The following TMEM181 variants were observed in gnomAD, a reference collection of about 807,000 sequenced individuals.
The protein encoded by TMEM181 is G protein-coupled receptor 178.
Under a neutral mutation model 71.9 loss-of-function variants are expected in TMEM181, and 39 were observed. The observed-to-expected ratio is 0.54, with a 90% confidence interval of 0.42 to 0.71. TMEM181 has a LOEUF of 0.71. Ranked by LOEUF, TMEM181 falls within the 30% of genes least tolerant of loss-of-function variation. The pLI, the probability that TMEM181 is intolerant of heterozygous loss-of-function variation, is 0.00. For missense variants in TMEM181, 595 were observed against 583.0 expected, an observed-to-expected ratio of 1.02 and a Z score of -0.21; for synonymous variants, 245 against 228.8, an observed-to-expected ratio of 1.07 and a Z score of -0.64.
chr6:158,614,520 G>A (rs1356736403), intron 10 of TMEM181, among the ~76,000 whole-genome samples: 1 of 152,022 alleles, frequency 6.6e-6, no homozygotes, highest in East Asian at 1.9e-4. Flanking sequence ...AAGTTCTAGG[G>A]TACATGTGCA....
chr6:158,619,232 T>C (rs1355916655), intron 10 of TMEM181, among the ~76,000 whole-genome samples: 2 of 152,328 alleles, frequency 1.3e-5, no homozygotes, highest in East Asian at 3.9e-4. Flanking sequence ...TCTTGCTTCA[T>C]TTCATTCATT....
intron 10 of TMEM181, chr6:158,609,969 T>C (rs1221467052): frequency 4.4e-6 from 1 of 225,098 alleles, no homozygotes; most frequent in Non-Finnish European, 9.5e-6. Flanking sequence ...CCCACCGACG[T>C]TGGGAAAGTA....
At chr6:158,576,789 G>A (rs980682312) in intron 2 of TMEM181, among the ~76,000 whole-genome samples, 1 of 152,092 alleles carries the variant, frequency 6.6e-6, no homozygotes, top group African/African-American at 2.4e-5. Flanking sequence ...GCGGCCGGGC[G>A]TGGTGGCTCA....
chr6:158,602,204 A>C (rs1485549772), intron 6 of TMEM181, among the ~76,000 whole-genome samples: 2 of 152,216 alleles, frequency 1.3e-5, no homozygotes, highest in Non-Finnish European at 2.9e-5. Context: ...CACGTAGCAT[A>C]ATTATTTTGA....
At chr6:158,563,602 C>T (rs987639072) in intron 1 of TMEM181, among the ~76,000 whole-genome samples, 1 of 152,250 alleles carries the variant, frequency 6.6e-6, no homozygotes, top group Non-Finnish European at 1.5e-5. Flanking sequence ...ATGGGGCTCA[C>T]TGGCCAGCGT....
chr6:158,608,605 A>T (rs1034460964), intron 9 of TMEM181, 54 bp from the exon 10 acceptor site: 2 of 1,596,732 alleles, frequency 1.3e-6, no homozygotes, highest in African/African-American at 2.7e-5. Flanking sequence ...CACGTTATGT[A>T]CAATTACCAA....
intron 10 of TMEM181, chr6:158,611,711 A>T (rs1380517327): frequency 4.1e-6 from 1 of 242,008 alleles, no homozygotes; most frequent in Admixed American, 5.0e-5. Context: ...AATGCCGGGG[A>T]GGAATGTAAG....
At position 158,537,628 on chromosome 6, in the gene TMEM181, G is replaced by A. The variant is rs574018653; in HGVS notation, c.131+763G>A. ...CCAAAGGCTTGGCGGTGTCGGGACA[G>A]GACCCTATCGCGAGTCGGTAGAAAG... On this transcript the variant is annotated intron_variant, in intron 1 of 16. Transcript: ENST00000367090. Among the ~76,000 whole-genome samples the A allele has an allele frequency of 6.6e-5, 10 of 152,296 alleles. No individual in the cohort carries two copies. The South Asian group carries it at 2.1e-3, about 32-fold the overall frequency.
chr6:158,547,594 G>C (rs145627198), intron 1 of TMEM181, among the ~76,000 whole-genome samples: 231 of 152,278 alleles, frequency 1.5e-3, no homozygotes, highest in African/African-American at 5.4e-3. Context: ...CTCAGCTGGG[G>C]CCTCAGCGAA....
chr6:158,558,044 GC>G (rs1431371268), upstream of TMEM181, among the ~76,000 whole-genome samples: 1 of 152,232 alleles, frequency 6.6e-6, no homozygotes, highest in African/African-American at 2.4e-5. Context: ...TTGGGAGAGG[GC>G]TCATGCTGAC....
chr6:158,595,643 C>T (rs1166713063), intron 6 of TMEM181, among the ~76,000 whole-genome samples: 2 of 152,196 alleles, frequency 1.3e-5, no homozygotes, highest in African/African-American at 4.8e-5. Flanking sequence ...GGAGGACTTT[C>T]TGAAGCATAA....
chr6:158,630,450 C>G lies in TMEM181; in HGVS notation c.1282+631C>G, dbSNP rs571847539. On this transcript the variant is annotated intron_variant, in intron 15 of 16. Transcript: ENST00000684151. ...GGAGAGGCTGCAGTGAGCTATGACA[C>G]CACTACACTCCAACCTCGGTGACAG... is the stretch of plus-strand genomic sequence containing the variant. Among the ~76,000 whole-genome samples the G allele has an allele frequency of 2.0e-5, 3 of 151,988 alleles. No homozygotes were observed. The South Asian group carries it at 6.2e-4, about 32-fold the overall frequency.
intron 1 of TMEM181, among the ~76,000 whole-genome samples, chr6:158,562,138 T>C (rs73012188): frequency 6.6e-6 from 1 of 152,096 alleles, no homozygotes; most frequent in Non-Finnish European, 1.5e-5. Context: ...CCTGGCCTTA[T>C]GACCTCTGAC....
intron 1 of TMEM181, among the ~76,000 whole-genome samples, chr6:158,563,676 C>T (rs1052929187): frequency 5.9e-5 from 9 of 152,240 alleles, no homozygotes; most frequent in African/African-American, 2.2e-4. Context: ...CAACATGCTC[C>T]TGCGTGTGAG....
intron 10 of TMEM181, among the ~76,000 whole-genome samples, chr6:158,616,337 A>G (rs1250695643): frequency 1.3e-5 from 2 of 152,190 alleles, no homozygotes; most frequent in Non-Finnish European, 2.9e-5. Flanking sequence ...TTGATTTTGT[A>G]TCCTGAGACT....
At chr6:158,539,169 G>A (rs1225168671) in intron 1 of TMEM181, among the ~76,000 whole-genome samples, 2 of 152,186 alleles carry the variant, frequency 1.3e-5, no homozygotes, top group East Asian at 3.8e-4. Context: ...GAAGTGATCA[G>A]TGATGGATTC....
At chr6:158,578,979 C>T (rs1181384381) in intron 2 of TMEM181, among the ~76,000 whole-genome samples, 1 of 151,932 alleles carries the variant, frequency 6.6e-6, no homozygotes, top group Non-Finnish European at 1.5e-5. Flanking sequence ...AGGGTCTTGG[C>T]CGGGCATGGT....
Position 158,573,425 on chromosome 6 carries a change from C to A in TMEM181, c.14C>A (p.Ala5Glu). MEPLAPMRLYTLSKR... is the reference protein window; with the variant it reads MEPLEPMRLYTLSKR... The stretch of plus-strand genomic sequence containing the variant: ...CTGCTGGCTTCTGCCCCCAGGCTGG[C>A]GCCCATGCGGCTCTACACGCTCTCC... The change falls in exon 2 of 17, where the codon GCG becomes GAG. Residue 5 changes from alanine to glutamate, a missense_variant. Ala to Glu is a moderately radical substitution (Grantham distance 107). Coordinates refer to ENST00000684151, the MANE Select transcript of TMEM181 (RefSeq NM_001376852.1). The A allele has an allele frequency of 6.3e-7, 1 of 1,579,526 alleles. No homozygotes were observed. Among genetic ancestry groups the A allele is most frequent in the East Asian group, 2.4e-5 (1 of 42,330 alleles).
At chr6:158,598,307 G>A (rs1273979657) in intron 6 of TMEM181, among the ~76,000 whole-genome samples, 4 of 152,156 alleles carry the variant, frequency 2.6e-5, no homozygotes, top group Non-Finnish European at 4.4e-5. Context: ...TTTTCGGGCC[G>A]AGTTTTGATT....
Sources: gnomAD v4.1 joint callset for allele counts (sites outside exome capture counted in the v4.1 genomes callset) on GRCh38, gnomAD v4.1.1 for gene constraint, MANE v1.5 for transcripts, NCBI Gene and HGNC (gene_info 2026-07-23, HGNC 2026-07-21) for gene names.